GRIA1: variants seen among roughly 807,000 people sequenced by gnomAD.
GRIA1 encodes glutamate receptor 1.
Under a neutral mutation model 99.2 loss-of-function variants are expected in GRIA1, and 31 were observed. That is an observed-to-expected ratio of 0.31 (90% CI 0.23 to 0.42). The LOEUF (loss-of-function observed/expected upper bound fraction) is 0.42, where lower values mean the gene tolerates loss of function less well. GRIA1 is among the 10% of genes least tolerant of loss of function. GRIA1 has a pLI of 1.00. For synonymous variants in GRIA1, 438 were observed against 432.4 expected (o/e 1.01, Z -0.16); for missense variants, 782 against 1,157.5 (o/e 0.68, Z 4.71).
At chr5:153,802,628 G>A (rs116702321) in intron 15 of GRIA1, 138 bp downstream of exon 15, 8,728 of 866,350 alleles carry the variant, frequency 0.01, 70 homozygotes, top group South Asian at 0.015. Flanking sequence ...AAGCTGTTAC[G>A]AGGAAGGTGA....
At chr5:153,603,009 A>G (rs1474156925) in intron 2 of GRIA1, among the ~76,000 whole-genome samples, 1 of 152,088 alleles carries the variant, frequency 6.6e-6, no homozygotes, top group Admixed American at 6.6e-5. Flanking sequence ...TGAACAGTAT[A>G]TAACAATTAC....
chr5:153,589,896 T>A lies in GRIA1; in HGVS notation c.221-57032T>A, dbSNP rs117709254. 1.1e-4 allele frequency among the ~76,000 whole-genome samples: 17 copies of A among 152,308 alleles called. No homozygotes were observed. In the East Asian group the frequency reaches 2.3e-3, roughly 21 times the overall value. ...AACTGAATATTCACGCAGCGCACAG[T>A]AGTTCAGGTGTGCTGAGCTCACAGA... On this transcript the variant is annotated intron_variant, in intron 2 of 15. Transcript: ENST00000285900.
At chr5:153,491,038 T>G in intron 1 of GRIA1, 68 bp downstream of exon 1, 1 of 1,388,022 alleles carries the variant, frequency 7.2e-7, no homozygotes, top group Non-Finnish European at 1.0e-6. Context: ...GGGATAGGGG[T>G]TGTGTACCCC....
intron 13 of GRIA1, 99 bp from the exon 14 acceptor site, chr5:153,794,522 G>A: frequency 1.3e-6 from 1 of 798,730 alleles, no homozygotes; most frequent in South Asian, 1.4e-5. Flanking sequence ...AACCTGGCAG[G>A]CTGGGTAATG....
chr5:153,782,838 G>C (rs1367974462), intron 13 of GRIA1, among the ~76,000 whole-genome samples: 1 of 152,144 alleles, frequency 6.6e-6, no homozygotes, highest in African/African-American at 2.4e-5. Context: ...GTGAAGGGAA[G>C]GGTGATTCAT....
intron 11 of GRIA1, among the ~76,000 whole-genome samples, chr5:153,742,540 A>G (rs1375757119): frequency 6.6e-6 from 1 of 152,090 alleles, no homozygotes. Context: ...TGTTTCTGGG[A>G]CCTCTGGGGA....
intron 2 of GRIA1, among the ~76,000 whole-genome samples, chr5:153,593,214 C>A (rs1047480443): frequency 1.3e-5 from 2 of 152,194 alleles, no homozygotes; most frequent in African/African-American, 2.4e-5. Context: ...ATGCAGTAAG[C>A]TGACATCACG....
chr5:153,573,200 T>C (rs180788964), intron 2 of GRIA1: 41 of 152,340 alleles, frequency 2.7e-4, no homozygotes, highest in Admixed American at 1.6e-3. Context: ...AAGAAGCCTT[T>C]CTGGCCTTTG....
chr5:153,613,925 C>T (rs974685737), intron 2 of GRIA1, among the ~76,000 whole-genome samples: 1 of 152,188 alleles, frequency 6.6e-6, no homozygotes, highest in African/African-American at 2.4e-5. Flanking sequence ...CTGCCCGCTG[C>T]ATCAGCCACC....
chr5:153,525,711 T>C (rs1178454991), intron 2 of GRIA1, among the ~76,000 whole-genome samples: 1 of 152,108 alleles, frequency 6.6e-6, no homozygotes, highest in Admixed American at 6.5e-5. Context: ...ATTTCTCCTT[T>C]CTTTAAGCAC....
At chr5:153,663,245 AG>A (rs1280877998) in intron 5 of GRIA1, among the ~76,000 whole-genome samples, 5 of 152,236 alleles carry the variant, frequency 3.3e-5, no homozygotes, top group Non-Finnish European at 5.9e-5. Context: ...ATGAAGTTCA[AG>A]TTGTTGAAAA....
chr5:153,803,762 C>G (rs1766213156), intron 15 of GRIA1, among the ~76,000 whole-genome samples: 1 of 152,206 alleles, frequency 6.6e-6, no homozygotes, highest in Non-Finnish European at 1.5e-5. Context: ...TACTTTTCAA[C>G]AGACATTTGC....
intron 2 of GRIA1, among the ~76,000 whole-genome samples, chr5:153,603,690 G>C (rs1411992845): frequency 6.6e-6 from 1 of 152,164 alleles, no homozygotes; most frequent in Non-Finnish European, 1.5e-5. Context: ...ATTAGGAGTA[G>C]TGGCCTCACC....
chr5:153,697,787 A>G lies in GRIA1; in HGVS notation c.1135-257A>G, dbSNP rs150893156. Among the ~76,000 whole-genome samples the G allele has an allele frequency of 4.1e-4, 62 of 152,330 alleles. No homozygotes were observed. In the East Asian group the frequency reaches 0.011, roughly 26 times the overall value. ...AACAGACTGGCTGTGTAAACAGTTA[A>G]GCCCTTATCCCTCAGAGGTGGCAAT... On this transcript the variant is annotated intron_variant, in intron 8 of 15. Transcript: ENST00000285900.
At chr5:153,752,075 T>C (rs1370827417) in intron 11 of GRIA1, among the ~76,000 whole-genome samples, 1 of 152,154 alleles carries the variant, frequency 6.6e-6, no homozygotes, top group Non-Finnish European at 1.5e-5. Flanking sequence ...ATAAATACCA[T>C]AAACAATCAT....
intron 5 of GRIA1, among the ~76,000 whole-genome samples, chr5:153,657,363 A>G (rs773409770): frequency 3.3e-5 from 5 of 152,210 alleles, no homozygotes; most frequent in Non-Finnish European, 5.9e-5. Flanking sequence ...AATGATAACT[A>G]TTTCTACAGT....
At chr5:153,541,654 G>A (rs372464828) in intron 2 of GRIA1, among the ~76,000 whole-genome samples, 2 of 152,090 alleles carry the variant, frequency 1.3e-5, no homozygotes, top group African/African-American at 4.8e-5. Flanking sequence ...AGAAAAGGCC[G>A]GACACTGTGG....
intron 2 of GRIA1, among the ~76,000 whole-genome samples, chr5:153,607,358 T>G (rs1183149603): frequency 6.6e-6 from 1 of 151,934 alleles, no homozygotes; most frequent in East Asian, 1.9e-4. Flanking sequence ...CTTTATTTAC[T>G]TCTTCTTTTC....
chr5:153,526,610 G>A (rs74510108), intron 2 of GRIA1, among the ~76,000 whole-genome samples: 2,215 of 152,300 alleles, frequency 0.015, 60 homozygotes, highest in African/African-American at 0.05. Context: ...ATGTTATCAT[G>A]GATGATACAT....
Sources: gnomAD v4.1 joint callset for allele counts (sites outside exome capture counted in the v4.1 genomes callset) on GRCh38, gnomAD v4.1.1 for gene constraint, MANE v1.5 for transcripts, NCBI Gene and HGNC (gene_info 2026-07-23, HGNC 2026-07-21) for gene names.